NAA15: variants seen among roughly 807,000 people sequenced by gnomAD.
NAA15 encodes N-alpha-acetyltransferase 15, NatA auxiliary subunit.
NAA15 carries 34 observed loss-of-function variants against 114.0 expected under a neutral mutation model. The observed-to-expected ratio is 0.30, with a 90% CI of 0.23 to 0.40. The LOEUF (loss-of-function observed/expected upper bound fraction) is 0.40. Among genes scored for constraint, NAA15 ranks in the 10% least tolerant of loss-of-function variants. The probability of loss-of-function intolerance (pLI) is 1.00; values close to 1 mark genes in which losing one functional copy is unlikely to be tolerated. For synonymous variants in NAA15, 340 were observed against 338.0 expected (o/e 1.01, Z -0.06); for missense variants, 658 against 1,004.5 (o/e 0.66, Z 4.66).
At chr4:139,306,693 T>G (rs1746033181) in intron 1 of NAA15, among the ~76,000 whole-genome samples, 1 of 152,130 alleles carries the variant, frequency 6.6e-6, no homozygotes, top group Non-Finnish European at 1.5e-5. Flanking sequence ...GGCCTTTGCC[T>G]ACTGTTGATG....
rs1747812402 is a variant in NAA15 at position 139,352,558 on chromosome 4, A to G, written c.1014+947A>G. On this transcript the variant is annotated intron_variant, in intron 9 of 19. Coordinates refer to ENST00000296543, the MANE Select transcript of NAA15 (RefSeq NM_057175.5). ...TGAAACACTTTAACCAGAATTACAT[A>G]ATGTGCATTTATTTGCCGGTCTTTT... is the stretch of plus-strand genomic sequence containing the variant. Among the ~76,000 whole-genome samples, 4 of 152,232 alleles carry G rather than the reference A, an allele frequency of 2.6e-5. No homozygotes were observed. The South Asian group carries it at 6.2e-4, about 24-fold the overall frequency.
intron 13 of NAA15, 40 bp downstream of exon 13, chr4:139,360,668 G>T: frequency 1.3e-6 from 2 of 1,523,300 alleles, no homozygotes; most frequent in Non-Finnish European, 1.8e-6. Context: ...GTTTTATTCT[G>T]TCGATGGTTT....
At chr4:139,343,014 T>A (rs1042754704) in intron 5 of NAA15, 54 bp downstream of exon 5, 1 of 1,473,594 alleles carries the variant, frequency 6.8e-7, no homozygotes, top group Non-Finnish European at 9.3e-7. Flanking sequence ...ACTAAAAAAA[T>A]AATGTGCATA....
chr4:139,335,267 T>C (rs942078397), intron 2 of NAA15, among the ~76,000 whole-genome samples: 1 of 152,254 alleles, frequency 6.6e-6, no homozygotes, highest in African/African-American at 2.4e-5. Flanking sequence ...TTGTTTGATA[T>C]TCATTTCTAA....
At chr4:139,372,496 G>C in intron 15 of NAA15, among the ~76,000 whole-genome samples, 1 of 152,112 alleles carries the variant, frequency 6.6e-6, no homozygotes, top group East Asian at 1.9e-4. Flanking sequence ...TTCATGGGCT[G>C]CTCCTCAGTA....
intron 1 of NAA15, among the ~76,000 whole-genome samples, chr4:139,320,543 C>T (rs146464688): frequency 3.4e-4 from 52 of 152,176 alleles, no homozygotes; most frequent in African/African-American, 9.4e-4. Context: ...TGTTTTGACA[C>T]GGAGTCTCAC....
intron 6 of NAA15, among the ~76,000 whole-genome samples, chr4:139,348,402 T>G (rs1349683336): frequency 6.8e-6 from 1 of 147,610 alleles, no homozygotes; most frequent in African/African-American, 2.5e-5. Flanking sequence ...TGAGCCATGA[T>G]CGATCGCACC....
At chr4:139,374,737 C>T (rs1748535757) in intron 15 of NAA15, among the ~76,000 whole-genome samples, 1 of 151,922 alleles carries the variant, frequency 6.6e-6, no homozygotes, top group Non-Finnish European at 1.5e-5. Context: ...TATTTAAACA[C>T]TTAGATTTAC....
At chr4:139,326,983 TG>T (rs1233632385) in intron 1 of NAA15, among the ~76,000 whole-genome samples, 1 of 152,180 alleles carries the variant, frequency 6.6e-6, no homozygotes, top group Non-Finnish European at 1.5e-5. Context: ...TTGCCCAGGC[TG>T]GGGTGCAGTG....
chr4:139,335,694 A>C (rs200975744), intron 2 of NAA15, among the ~76,000 whole-genome samples: 2 of 150,146 alleles, frequency 1.3e-5, no homozygotes, highest in East Asian at 2.0e-4. Context: ...TGATTCTCCA[A>C]CTCCCTGCCC....
rs554570240 is a variant in NAA15 at position 139,301,574 on chromosome 4, G to A, written c.-204G>A. ...GGAGACCCGTAGTGGGGGAGGCGGC[G>A]GCAGCGTTAAGTGAGAAAGGAAAAA... On this transcript the variant is annotated 5_prime_UTR_variant, in exon 1 of 20. Transcript: ENST00000296543. 3 of 599,434 alleles carry A rather than the reference G, an allele frequency of 5.0e-6. No homozygotes were observed. Among genetic ancestry groups the A allele is most frequent in the African/African-American group, 3.8e-5 (2 of 52,852 alleles). The allele number at this position is 599,434 out of a possible 1,614,324, so 37.1% of individuals were successfully genotyped here.
At chr4:139,372,684 C>T (rs760746763) in intron 15 of NAA15, among the ~76,000 whole-genome samples, 24 of 152,128 alleles carry the variant, frequency 1.6e-4, no homozygotes, top group Admixed American at 3.3e-4. Context: ...TAAAGGCCGC[C>T]TGCCAAGTCT....
intron 2 of NAA15, 89 bp from the exon 3 acceptor site, chr4:139,336,759 T>G (rs1747213656): frequency 1.3e-5 from 8 of 636,282 alleles, no homozygotes; most frequent in Non-Finnish European, 1.7e-5. Context: ...CAGTGTAGCA[T>G]TTGTTTTTGA....
At chr4:139,329,499 AT>A (rs956084106) in intron 1 of NAA15, among the ~76,000 whole-genome samples, 5 of 151,824 alleles carry the variant, frequency 3.3e-5, no homozygotes, top group African/African-American at 7.2e-5. Flanking sequence ...TGTCAACCTG[AT>A]TTTTTTTGAG....
At chr4:139,317,393 G>T (rs1281338294) in intron 1 of NAA15, among the ~76,000 whole-genome samples, 1 of 152,154 alleles carries the variant, frequency 6.6e-6, no homozygotes, top group East Asian at 1.9e-4. Flanking sequence ...GGCGGCCGAG[G>T]CGGGTAGATC....
intron 1 of NAA15, 32 bp from the exon 2 acceptor site, chr4:139,334,142 T>A (rs746054825): frequency 2.1e-6 from 3 of 1,443,010 alleles, no homozygotes; most frequent in Non-Finnish European, 2.9e-6. Context: ...TATTCCTTGC[T>A]AAACTTAAAT....
rs1481752419 is a variant in NAA15, at chr4:139,344,255, G to T, written c.607G>T (p.Ala203Ser). The T allele has an allele frequency of 5.0e-6, 8 of 1,613,056 alleles. No homozygotes were observed. The highest frequency in any genetic ancestry group is 6.8e-6 in the Non-Finnish European group (8 of 1,179,342). ...ATATCAGAATCAAGTTCTTCGGGAA[G>T]CAGGTCTCTATAGAGAAGCTTTGGA... is the stretch of plus-strand genomic sequence containing the variant. ...LLYQNQVLRE[A>S]GLYREALEHL... Residue 203 changes from alanine (A) to serine (S), a missense_variant, in exon 6 of 20, where the codon GCA becomes TCA. By Grantham distance (99) the Ala-to-Ser change is moderately conservative. Around this residue, in one of 6 missense-constraint regions of NAA15, gnomAD observed 281 missense variants for 389.1 expected, o/e 0.72. Coordinates refer to ENST00000296543, the MANE Select transcript of NAA15 (RefSeq NM_057175.5).
intron 1 of NAA15, among the ~76,000 whole-genome samples, chr4:139,304,931 A>G (rs1368032562): frequency 6.6e-6 from 1 of 152,114 alleles, no homozygotes; most frequent in African/African-American, 2.4e-5. Flanking sequence ...GTTTAGAGAT[A>G]GAGTCTTCCT....
At position 139,357,592 on chromosome 4, in the gene NAA15, G is replaced by T. The variant is rs1400733220; in HGVS notation, c.1257+37G>T. The T allele has an allele frequency of 6.7e-6, 9 of 1,342,708 alleles. No homozygotes were observed. In the East Asian group the frequency reaches 2.2e-4, roughly 33 times the overall value. The allele number at this position is 1,342,708 out of a possible 1,614,324, so 83.2% of individuals were successfully genotyped here. A position where few individuals can be genotyped will look rare whatever the true frequency, so the allele number is the denominator to read the frequency against. On this transcript the variant is annotated intron_variant, in intron 11 of 19. Coordinates refer to ENST00000296543, the MANE Select transcript of NAA15 (RefSeq NM_057175.5). ...TTTTTCTATTTTCTTATAAGGTAAT[G>T]AGACTTGTCATGAACTTTTTCTCTG... is the stretch of plus-strand genomic sequence containing the variant.
Sources: gnomAD v4.1 joint callset for allele counts (sites outside exome capture counted in the v4.1 genomes callset) on GRCh38, gnomAD v4.1.1 for gene constraint, gnomAD v4.1.1 regional missense constraint, MANE v1.5 for transcripts, NCBI Gene and HGNC (gene_info 2026-07-23, HGNC 2026-07-21) for gene names.